Variants in EIF4A2 observed in about 807,000 individuals in gnomAD.
EIF4A2 encodes the protein eukaryotic initiation factor 4A-II.
In EIF4A2, 9 loss-of-function variants were observed where a neutral mutation model predicts 50.6. That is an observed-to-expected ratio of 0.18 (90% CI 0.11 to 0.31). The LOEUF is 0.31. EIF4A2 is among the 10% of genes least tolerant of loss of function. EIF4A2 has a pLI of 1.00. For synonymous variants in EIF4A2, 215 were observed against 164.4 expected (o/e 1.31, Z -2.35); for missense variants, 182 against 501.8 (o/e 0.36, Z 6.09).
At chr3:186,785,584 C>G in intron 4 of EIF4A2, 1 of 354,650 alleles carries the variant, frequency 2.8e-6, no homozygotes, top group South Asian at 5.6e-5. Context: ...AATTACAGAA[C>G]ATAAATTTCA....
chr3:186,785,859 T>G, intron 4 of EIF4A2, 24 bp from the exon 5 acceptor site: 1 of 1,580,044 alleles, frequency 6.3e-7, no homozygotes, highest in Non-Finnish European at 8.6e-7. Context: ...TTCTGCGGAA[T>G]AATAATTAAG....
In EIF4A2 at chr3:186,787,547, C is replaced by A; in HGVS notation, c.962C>A (p.Ser321Ter). Residue 321 changes from serine to a stop codon, truncating the protein, a stop_gained, in exon 9 of 11, where the codon TCA (serine) becomes TAA (stop). Coordinates refer to ENST00000323963, the MANE Select transcript of EIF4A2 (RefSeq NM_001967.4). LOFTEE classifies it high-confidence loss of function. ...ERDVIMREFR[S>*]GSSRVLITTD... ...GATGTTATCATGAGGGAATTCCGGT[C>A]AGGGTCAAGTCGTGTTCTGATCACT... 1.2e-6 allele frequency: 2 copies of A among 1,613,768 alleles called. No homozygotes were observed. The highest frequency in any genetic ancestry group is 2.2e-5 in the South Asian group (2 of 91,026).
At chr3:186,789,063 G>A (rs1198385138) in intron 10 of EIF4A2, 62 bp from the exon 11 acceptor site, 29 of 1,546,874 alleles carry the variant, frequency 1.9e-5, no homozygotes, top group Middle Eastern at 3.5e-4. Flanking sequence ...CAAGTGGATC[G>A]TCATGTTCAG....
chr3:186,786,694 G>C (rs376591367), intron 7 of EIF4A2, 49 bp downstream of exon 7: 2 of 1,610,480 alleles, frequency 1.2e-6, no homozygotes, highest in Non-Finnish European at 1.7e-6. Context: ...TATAAGCACT[G>C]TGCTAAAATT....
At chr3:186,788,007 T>TG in intron 10 of EIF4A2, 125 bp downstream of exon 10, 1 of 1,051,160 alleles carries the variant, frequency 9.5e-7, no homozygotes, top group Non-Finnish European at 1.4e-6. Context: ...AGTAAGATGA[T>TG]GTAATTAAAT....
chr3:186,786,744 T>C (rs776443366), intron 7 of EIF4A2, 99 bp downstream of exon 7: 25 of 1,496,716 alleles, frequency 1.7e-5, no homozygotes, highest in Middle Eastern at 1.7e-4. Context: ...GCAATAATGC[T>C]AGCAGAGTAC....
chr3:186,786,683 G>A (rs768431834), intron 7 of EIF4A2, 38 bp downstream of exon 7: 8 of 1,611,884 alleles, frequency 5.0e-6, no homozygotes, highest in Non-Finnish European at 5.9e-6. Context: ...TTACCTTCTT[G>A]TATAAGCACT....
chr3:186,787,955 A>T (rs1245653806), intron 10 of EIF4A2, 73 bp downstream of exon 10: 1 of 1,467,540 alleles, frequency 6.8e-7, no homozygotes, highest in East Asian at 2.3e-5. Flanking sequence ...ATGAAAGGTA[A>T]CATCAAATCA....
intron 10 of EIF4A2, 145 bp from the exon 11 acceptor site, chr3:186,788,980 T>G (rs572092599): frequency 8.6e-7 from 1 of 1,164,260 alleles, no homozygotes; most frequent in Admixed American, 3.2e-5. Flanking sequence ...TCTCTAGATA[T>G]GCATTAGCAG....
chr3:186,787,120 A>G lies in EIF4A2; in HGVS notation c.772-7A>G. ...TGACTGTTAACTTTAACTTCTAAAC[A>G]TTACAGGAATGGAAGTTGGATACAC... On this transcript the variant is annotated splice_polypyrimidine_tract_variant and splice_region_variant and intron_variant, in intron 7 of 10. Transcript: ENST00000323963. 1 of 1,613,174 alleles carries G rather than the reference A, an allele frequency of 6.2e-7. No individual in the cohort carries two copies.
At position 186,784,984 on chromosome 3, in the gene EIF4A2, T is replaced by C; in HGVS notation, c.231T>C (p.Ala77=). ...CIKGYDVIAQ[A]QSGTGKTATF... is the part of the protein sequence containing the mutation. ...TAGGGTATGATGTGATTGCTCAAGC[T>C]CAGTCAGGTACTGGCAAGACAGCCA... Residue 77 remains alanine (A), a synonymous_variant, in exon 4 of 11, where the codon GCT becomes GCC. Coordinates refer to ENST00000323963, the MANE Select transcript of EIF4A2 (RefSeq NM_001967.4). The C allele has an allele frequency of 6.2e-7, 1 of 1,614,228 alleles. No homozygotes were observed. Among genetic ancestry groups the C allele is most frequent in the Non-Finnish European group, 8.5e-7 (1 of 1,180,042 alleles).
chr3:186,789,462 T>C lies in EIF4A2; in HGVS notation c.*193T>C. On this transcript the variant is annotated 3_prime_UTR_variant, in exon 11 of 11. Coordinates refer to ENST00000323963, the MANE Select transcript of EIF4A2 (RefSeq NM_001967.4). ...AGGAAAGTCATTGGCTTTATCCTCTTTAGAGTTAGACTGTTGGGGTGGGTA... is the reference window on the plus strand; with the variant it reads ...AGGAAAGTCATTGGCTTTATCCTCTCTAGAGTTAGACTGTTGGGGTGGGTA... The C allele has an allele frequency of 1.5e-6, 1 of 653,030 alleles. No individual in the cohort carries two copies. Among genetic ancestry groups the C allele is most frequent in the Non-Finnish European group, 2.4e-6 (1 of 424,952 alleles). 40.5% of individuals were successfully genotyped at this position (653,030 alleles called of 1,614,324 possible).
chr3:186,785,381 A>G, intron 4 of EIF4A2: 1 of 456,330 alleles, frequency 2.2e-6, no homozygotes, highest in South Asian at 3.0e-5. Context: ...TGCAACATGA[A>G]AACTGCAGTG....
chr3:186,787,881 A>C lies in EIF4A2; in HGVS notation c.1078A>C (p.Arg360=). The part of the protein sequence containing the change: ...LPTNRENYIH[R]IGRGGRFGRK... ...TACCAATCGTGAAAACTATATTCAC[A>C]GGTGAGAAGCCAGCATCTTGGCTGT... Residue 360 remains arginine, a splice_region_variant and synonymous_variant, in exon 10 of 11, where the codon AGA becomes CGA. Coordinates refer to ENST00000323963, the MANE Select transcript of EIF4A2 (RefSeq NM_001967.4). The C allele has an allele frequency of 6.2e-7, 1 of 1,613,674 alleles. No individual in the cohort carries two copies. The highest frequency in any genetic ancestry group is 8.5e-7 in the Non-Finnish European group (1 of 1,179,920).
At position 186,789,866 on chromosome 3, in the gene EIF4A2, GAATGTTA is replaced by G; in HGVS notation, c.*601_*607del. The stretch of plus-strand genomic sequence containing the variant: ...TATTGCACATGTCTTAATGAAGTTT[GAATGTTA>G]AATAAATTGTATATTCACTTTAAAG... On this transcript the variant is annotated 3_prime_UTR_variant, in exon 11 of 11. Coordinates refer to ENST00000323963, the MANE Select transcript of EIF4A2 (RefSeq NM_001967.4). 1 of 768,860 alleles carries G rather than the reference GAATGTTA, an allele frequency of 1.3e-6. No homozygotes were observed. The highest frequency in any genetic ancestry group is 2.1e-6 in the Non-Finnish European group (1 of 473,386). 47.6% of individuals were successfully genotyped at this position (768,860 alleles called of 1,614,324 possible).
chr3:186,787,908 T>G lies in EIF4A2; in HGVS notation c.1079+26T>G, dbSNP rs368746725. The G allele has an allele frequency of 2.5e-6, 4 of 1,609,318 alleles. No homozygotes were observed. The Admixed American group carries it at 6.7e-5, about 27-fold the overall frequency. ...GTGAGAAGCCAGCATCTTGGCTGTA[T>G]TGAAAAAAATTCATACGTTTTTCTA... On this transcript the variant is annotated intron_variant, in intron 10 of 10. Coordinates refer to ENST00000323963, the MANE Select transcript of EIF4A2 (RefSeq NM_001967.4).
chr3:186,786,394 ACT>A (rs564616540), intron 6 of EIF4A2, 106 bp from the exon 7 acceptor site: 98 of 1,534,048 alleles, frequency 6.4e-5, no homozygotes, highest in Admixed American at 5.1e-4. Context: ...TTGATGCATA[ACT>A]CTGTCTACCT....
At chr3:186,789,069 T>G (rs1180812459) in intron 10 of EIF4A2, 56 bp from the exon 11 acceptor site, 1 of 1,577,096 alleles carries the variant, frequency 6.3e-7, no homozygotes, top group African/African-American at 1.4e-5. Context: ...GATCGTCATG[T>G]TCAGTAGTTT....
chr3:186,786,069 G>A lies in EIF4A2; in HGVS notation c.517+18G>A, dbSNP rs1325049614. On this transcript the variant is annotated intron_variant, in intron 5 of 10. Transcript: ENST00000323963. ...ATACCTTTGTAAGTATTGTCTTTAA[G>A]AGAGTATTTTTTTTAAAACTGTTAA... The A allele has an allele frequency of 6.2e-7, 1 of 1,600,454 alleles. No individual in the cohort carries two copies. Among genetic ancestry groups the A allele is most frequent in the Non-Finnish European group, 8.6e-7 (1 of 1,168,746 alleles).
Sources: allele counts gnomAD v4.1 joint callset, GRCh38; gene constraint gnomAD v4.1.1; transcripts MANE v1.5; gene names NCBI Gene and HGNC (gene_info 2026-07-23, HGNC 2026-07-21).